The following COL22A1 variants were observed in gnomAD, a reference collection of about 807,000 sequenced individuals.
The protein encoded by COL22A1 is collagen type XXII alpha 1 chain.
A neutral mutation model predicts 248.9 loss-of-function variants in COL22A1; 221 were observed. The observed-to-expected ratio is 0.89, with a 90% CI of 0.80 to 0.99. COL22A1 has a LOEUF of 0.99. Ranked by LOEUF, COL22A1 falls within the 50% of genes least tolerant of loss-of-function variation. The pLI, the probability that COL22A1 is intolerant of heterozygous loss-of-function variation, is 0.00. For missense variants in COL22A1, 2,240 were observed against 2,179.0 expected (o/e 1.03, Z -0.56); for synonymous variants, 891 against 793.4 (o/e 1.12, Z -2.07).
intron 12 of COL22A1, among the ~76,000 whole-genome samples, chr8:138,796,373 C>T: frequency 2.6e-5 from 1 of 38,242 alleles, no homozygotes; most frequent in Non-Finnish European, 6.2e-5. Flanking sequence ...ATTTTTTTCT[C>T]TTGCTTGCTA....
At chr8:138,812,050 T>G in intron 8 of COL22A1, 129 bp from the exon 9 acceptor site, 6 of 1,115,426 alleles carry the variant, frequency 5.4e-6, no homozygotes, top group Non-Finnish European at 7.5e-6. Context: ...AGGATGTCTC[T>G]CCTGAGGCCT....
rs150990642 is a variant in COL22A1 at position 138,910,700 on chromosome 8, T to C, written c.-73+2919A>G. ...AAAACATTCCTGTGGGCCTTTCTCA[T>C]TTTCTGGTTTTCTTTGGAAGGCCCG... is the stretch of plus-strand genomic sequence containing the variant. On this transcript the variant is annotated intron_variant, in intron 1 of 64. Coordinates refer to ENST00000303045, the MANE Select transcript of COL22A1 (RefSeq NM_152888.3). 8.4e-3 allele frequency among the ~76,000 whole-genome samples: 1,284 copies of C among 152,262 alleles called. 18 individuals carry two copies. The highest frequency in any genetic ancestry group is 0.029 in the African/African-American group (1,212 of 41,544).
At chr8:138,737,707 G>T in intron 22 of COL22A1, 130 bp from the exon 23 acceptor site, 1 of 647,116 alleles carries the variant, frequency 1.5e-6, no homozygotes. Flanking sequence ...TTGTCCCTCA[G>T]GAGTGCCCCA....
chr8:138,616,994 G>A (rs1260645719), intron 53 of COL22A1, 36 bp from the exon 54 acceptor site: 3 of 1,613,192 alleles, frequency 1.9e-6, no homozygotes, highest in Non-Finnish European at 2.5e-6. Flanking sequence ...CCATGATAGA[G>A]CAGGCTCTTG....
At position 138,732,314 on chromosome 8, in the gene COL22A1, G is replaced by A. The variant is rs188526850; in HGVS notation, c.2139+5210C>T. On this transcript the variant is annotated intron_variant, in intron 23 of 64. Transcript: ENST00000303045. ...TGTCAGGAGCACTCACAGGTGCTGC[G>A]GGCAAGTCACTCTTCCCCTGTGGGC... is the stretch of plus-strand genomic sequence containing the variant. Among the ~76,000 whole-genome samples the A allele has an allele frequency of 9.8e-5, 15 of 152,312 alleles. No homozygotes were observed. The East Asian group carries it at 2.5e-3, about 25-fold the overall frequency.
intron 8 of COL22A1, among the ~76,000 whole-genome samples, chr8:138,812,476 C>G (rs888769864): frequency 6.6e-6 from 1 of 152,164 alleles, no homozygotes; most frequent in African/African-American, 2.4e-5. Context: ...AGGCCTGAAA[C>G]GGGGCAGAGG....
chr8:138,868,734 C>CTTT (rs34915430), intron 3 of COL22A1, among the ~76,000 whole-genome samples: 5 of 145,560 alleles, frequency 3.4e-5, no homozygotes, highest in South Asian at 2.2e-4. Flanking sequence ...CATTGTCCTC[C>CTTT]TTTTTTTTTT....
At position 138,835,693 on chromosome 8, in the gene COL22A1, G is replaced by A. The variant is rs1039845395; in HGVS notation, c.734-2543C>T. On this transcript the variant is annotated intron_variant, in intron 4 of 64. Transcript: ENST00000303045. ...CTTGGTCCCTGGTAGAGACTGTGTGGGGGAGAGAACACCCAGCACGTGGAC... is the reference window on the plus strand; with the variant it reads ...CTTGGTCCCTGGTAGAGACTGTGTGAGGGAGAGAACACCCAGCACGTGGAC... Among the ~76,000 whole-genome samples the A allele has an allele frequency of 2.0e-5, 3 of 152,134 alleles. No homozygotes were observed. The East Asian group carries it at 5.8e-4, about 29-fold the overall frequency.
chr8:138,630,235 T>G (rs1034175244), intron 50 of COL22A1, among the ~76,000 whole-genome samples: 1 of 152,288 alleles, frequency 6.6e-6, no homozygotes, highest in African/African-American at 2.4e-5. Flanking sequence ...CCTGGACTAG[T>G]GACTTCTTTT....
chr8:138,656,292 G>A (rs1001581757), intron 44 of COL22A1, among the ~76,000 whole-genome samples: 5 of 152,094 alleles, frequency 3.3e-5, no homozygotes, highest in African/African-American at 7.2e-5. Flanking sequence ...GAGGCAAAGC[G>A]GCAAACTGTT....
intron 32 of COL22A1, among the ~76,000 whole-genome samples, chr8:138,698,430 C>G (rs371863203): frequency 2.0e-5 from 3 of 152,342 alleles, no homozygotes. Flanking sequence ...GCCACTCCCT[C>G]AAGGCTGTTA....
At chr8:138,744,604 C>G (rs977753210) in intron 22 of COL22A1, among the ~76,000 whole-genome samples, 2 of 152,142 alleles carry the variant, frequency 1.3e-5, no homozygotes, top group African/African-American at 4.8e-5. Flanking sequence ...GCCTGGGTAA[C>G]ACTCAGTAAT....
intron 7 of COL22A1, among the ~76,000 whole-genome samples, chr8:138,814,095 G>C (rs1284002506): frequency 6.6e-6 from 1 of 152,182 alleles, no homozygotes; most frequent in Non-Finnish European, 1.5e-5. Context: ...CCCTTTCGTG[G>C]GACACCCCAC....
intron 41 of COL22A1, among the ~76,000 whole-genome samples, chr8:138,667,075 T>C (rs1824566297): frequency 6.6e-6 from 1 of 152,212 alleles, no homozygotes; most frequent in African/African-American, 2.4e-5. Context: ...ATTCTGTCAG[T>C]CTACTTTTAA....
chr8:138,838,761 G>T (rs1035193169), intron 4 of COL22A1, among the ~76,000 whole-genome samples: 1 of 151,888 alleles, frequency 6.6e-6, no homozygotes, highest in African/African-American at 2.4e-5. Context: ...GTGATGCAAG[G>T]CACTGTGAGA....
In COL22A1 at chr8:138,724,651, G is replaced by A. The variant is rs779444865; in HGVS notation, c.2211C>T (p.Ile737=). 19 of 1,614,010 alleles carry A rather than the reference G, an allele frequency of 1.2e-5. No homozygotes were observed. In the African/African-American group the frequency reaches 1.5e-4, roughly 12 times the overall value. Residue 737 remains isoleucine, a synonymous_variant, in exon 25 of 65, where the codon ATC becomes ATT. Transcript: ENST00000303045. The part of the protein sequence containing the change: ...PGGSPGLPGE[I]GFPGKPGPPG... ...GAGGTCCAGGCTTTCCCGGGAAGCCGATCTCTCCAGGCAAACCCTGAAAGG... is the reference window on the plus strand; with the variant it reads ...GAGGTCCAGGCTTTCCCGGGAAGCCAATCTCTCCAGGCAAACCCTGAAAGG...
rs143219976 is a variant in COL22A1 at position 138,637,987 on chromosome 8, G to A, written c.3502-1192C>T. Among the ~76,000 whole-genome samples the A allele has an allele frequency of 1.2e-3, 183 of 151,020 alleles. 2 individuals are homozygous for A. The South Asian group carries it at 0.015, about 13-fold the overall frequency. On this transcript the variant is annotated intron_variant, in intron 47 of 64. Coordinates refer to ENST00000303045, the MANE Select transcript of COL22A1 (RefSeq NM_152888.3). ...CATCCTCATCTTCACCATCATCATC[G>A]TCTACATCATAATGATCAACAACAC...
intron 21 of COL22A1, among the ~76,000 whole-genome samples, chr8:138,754,492 T>G (rs1832839269): frequency 6.6e-6 from 1 of 152,252 alleles, no homozygotes; most frequent in Non-Finnish European, 1.5e-5. Context: ...TATAAGTCAG[T>G]TATTTTATTC....
rs551853742 is a variant in COL22A1, at chr8:138,868,128, G to A, written c.658+9622C>T. ...CTAGCTTGTCAAAATAAACAAGAAA[G>A]CCTGGATTTCACTGATGCTTTTAGA... is the stretch of plus-strand genomic sequence containing the variant. On this transcript the variant is annotated intron_variant, in intron 3 of 64. Transcript: ENST00000303045. Among the ~76,000 whole-genome samples the A allele has an allele frequency of 2.6e-5, 4 of 152,262 alleles. No homozygotes were observed. The South Asian group carries it at 6.2e-4, about 24-fold the overall frequency.
Sources: gnomAD v4.1 joint callset for allele counts (sites outside exome capture counted in the v4.1 genomes callset) on GRCh38, gnomAD v4.1.1 for gene constraint, MANE v1.5 for transcripts, NCBI Gene and HGNC (gene_info 2026-07-23, HGNC 2026-07-21) for gene names.